Variants in FBXL18 observed in about 807,000 individuals in gnomAD.
The protein encoded by FBXL18 is F-box/LRR-repeat protein 18.
Under a neutral mutation model 46.0 loss-of-function variants are expected in FBXL18, and 36 were observed. The observed-to-expected ratio is 0.78, with a 90% CI of 0.60 to 1.03. The LOEUF is 1.03. FBXL18 is among the 50% of genes least tolerant of loss of function. The pLI, the probability that FBXL18 is intolerant of heterozygous loss-of-function variation, is 0.00. For missense variants in FBXL18, 977 were observed against 1,004.1 expected (o/e 0.97, Z 0.36); for synonymous variants, 557 against 465.3 (o/e 1.20, Z -2.54).
At chr7:5,467,623 G>A (rs1465009474) in intron 4 of FBXL18, among the ~76,000 whole-genome samples, 3 of 151,860 alleles carry the variant, frequency 2.0e-5, no homozygotes, top group Admixed American at 1.3e-4. Context: ...TGTCCTTCCC[G>A]TTTCGAGGGC....
downstream of FBXL18, among the ~76,000 whole-genome samples, chr7:5,470,987 C>T (rs1159840884): frequency 5.3e-5 from 8 of 152,264 alleles, 1 homozygote; most frequent in South Asian, 1.5e-3. Context: ...AGAGGCCCAG[C>T]GTGCAGCATC....
chr7:5,474,557 G>T (rs1009725903), downstream of FBXL18, among the ~76,000 whole-genome samples: 1 of 151,982 alleles, frequency 6.6e-6, no homozygotes, highest in Non-Finnish European at 1.5e-5. Flanking sequence ...CACAAGTGTT[G>T]TTTCTGCCTC....
intron 3 of FBXL18, 138 bp downstream of exon 3, chr7:5,500,350 C>G (rs1160307999): frequency 2.7e-6 from 2 of 743,790 alleles, no homozygotes; most frequent in East Asian, 2.7e-5. Context: ...GCCCCGAGAC[C>G]GACGTGGCAC....
At chr7:5,473,530 G>A (rs1230862794), downstream of FBXL18, among the ~76,000 whole-genome samples, 3 of 152,278 alleles carry the variant, frequency 2.0e-5, no homozygotes, top group East Asian at 5.8e-4. Flanking sequence ...GGGAGGCCAA[G>A]GTGGGTGGAT....
chr7:5,466,443 C>A (rs973070468), intron 4 of FBXL18, among the ~76,000 whole-genome samples: 5 of 152,128 alleles, frequency 3.3e-5, no homozygotes, highest in African/African-American at 1.2e-4. Flanking sequence ...GAGGACCTCA[C>A]ACACAGTGCG....
intron 4 of FBXL18, among the ~76,000 whole-genome samples, chr7:5,464,760 T>A (rs202148955): frequency 7.5e-6 from 1 of 133,760 alleles, no homozygotes; most frequent in Non-Finnish European, 1.6e-5. Flanking sequence ...GTTTGGATAT[T>A]AAAAAAAAAA....
At chr7:5,458,952 G>A (rs1370637862) in intron 4 of FBXL18, among the ~76,000 whole-genome samples, 1 of 152,112 alleles carries the variant, frequency 6.6e-6, no homozygotes, top group East Asian at 1.9e-4. Context: ...TTTGAGACCA[G>A]CCTGGGCAAC....
At chr7:5,470,347 C>T (rs541046699) in intron 4 of FBXL18, among the ~76,000 whole-genome samples, 1 of 152,112 alleles carries the variant, frequency 6.6e-6, no homozygotes, top group Admixed American at 6.5e-5. Context: ...ACACATCCAC[C>T]CCTCCACCCT....
At chr7:5,505,373 C>G (rs372941800) in intron 2 of FBXL18, 39 bp downstream of exon 2, 4 of 1,584,068 alleles carry the variant, frequency 2.5e-6, no homozygotes, top group East Asian at 2.2e-5. Context: ...AGACTGAGAT[C>G]TAGCTTGTTT....
chr7:5,481,844 C>T lies in FBXL18; in HGVS notation c.2088G>A (p.Leu696=), dbSNP rs1783654694. 6.2e-7 allele frequency: 1 copy of T among 1,613,860 alleles called. No individual in the cohort carries two copies. The highest frequency in any genetic ancestry group is 8.5e-7 in the Non-Finnish European group (1 of 1,179,994). The change falls in exon 5 of 5, where the codon CTG becomes CTA. Residue 696 remains leucine (L), a synonymous_variant. Coordinates refer to ENST00000382368, the MANE Select transcript of FBXL18 (RefSeq NM_024963.6). ...GLTDVIRDVP[L]VHLDEITLFK... is the part of the protein sequence containing the mutation. The stretch of plus-strand genomic sequence containing the variant: ...ATAAGGTGATCTCATCCAGGTGCAC[C>T]AGGGGGACGTCCCGGATGACGTCGG...
intron 4 of FBXL18, among the ~76,000 whole-genome samples, chr7:5,469,943 C>T (rs1031050944): frequency 6.6e-6 from 1 of 151,832 alleles, no homozygotes; most frequent in African/African-American, 2.4e-5. Context: ...TGCGAGTAAA[C>T]GTCCGTGTGT....
At chr7:5,486,044 G>T (rs1184778117) in intron 4 of FBXL18, among the ~76,000 whole-genome samples, 1 of 144,400 alleles carries the variant, frequency 6.9e-6, no homozygotes, top group Non-Finnish European at 1.5e-5. Context: ...GGCCAACAGA[G>T]CAAGACTCTG....
chr7:5,500,813 C>G lies in FBXL18; in HGVS notation c.1456G>C (p.Glu486Gln). ...TTGGACCCAATCAGCTCGAGGTGTT[C>G]CAGGAAGGGCAGGTTCTTCAGCAGA... ...WSLLKNLPFL[E>Q]HLELIGSNFS... The change falls in exon 3 of 5, where the codon GAA (glutamate) becomes CAA (glutamine). Residue 486 changes from glutamate to glutamine, a missense_variant. Physicochemically the swap from Glu to Gln is conservative, Grantham distance 29 (BLOSUM62 2). Transcript: ENST00000382368. The G allele has an allele frequency of 6.2e-7, 1 of 1,612,466 alleles. No homozygotes were observed. Among genetic ancestry groups the G allele is most frequent in the Middle Eastern group, 1.6e-4 (1 of 6,062 alleles).
intron 1 of FBXL18, among the ~76,000 whole-genome samples, chr7:5,512,090 A>C (rs985802525): frequency 2.7e-5 from 4 of 149,114 alleles, no homozygotes; most frequent in Non-Finnish European, 6.0e-5. Flanking sequence ...AAAAAAAACC[A>C]AAAAATTAGC....
At chr7:5,456,366 T>C (rs1049026238) in intron 4 of FBXL18, among the ~76,000 whole-genome samples, 2 of 152,096 alleles carry the variant, frequency 1.3e-5, no homozygotes, top group African/African-American at 4.8e-5. Context: ...CTCGAATCAG[T>C]GGGAGGACAA....
intron 2 of FBXL18, among the ~76,000 whole-genome samples, chr7:5,504,743 G>A (rs1483763729): frequency 2.7e-5 from 4 of 148,836 alleles, no homozygotes; most frequent in East Asian, 4.0e-4. Context: ...GTGAAACCCC[G>A]TCTCTACTAA....
rs1038387212 is a variant in FBXL18 at position 5,500,923 on chromosome 7, C to T, written c.1346G>A (p.Gly449Asp). The change falls in exon 3 of 5, where the codon GGC (glycine) becomes GAC (aspartate). Residue 449 changes from glycine to aspartate, a missense_variant. By Grantham distance (94) the Gly-to-Asp change is moderately conservative. Coordinates refer to ENST00000382368, the MANE Select transcript of FBXL18 (RefSeq NM_024963.6). ...PAMHAVPRGF[G>D]KKVRVGVQSC... is the part of the protein sequence containing the mutation. ...CTGCACGCCCACACGCACTTTCTTG[C>T]CAAAGCCGCGCGGCACTGCGTGCAT... The T allele has an allele frequency of 1.3e-6, 2 of 1,564,916 alleles. No homozygotes were observed. The highest frequency in any genetic ancestry group is 1.4e-5 in the African/African-American group (1 of 73,664).
At chr7:5,509,107 C>T (rs1270695343) in intron 1 of FBXL18, among the ~76,000 whole-genome samples, 5 of 151,090 alleles carry the variant, frequency 3.3e-5, no homozygotes, top group Non-Finnish European at 7.4e-5. Flanking sequence ...GCAGAAGAAT[C>T]GCTTGAACCC....
chr7:5,489,128 T>C (rs1783848396), intron 4 of FBXL18: 3 of 379,976 alleles, frequency 7.9e-6, no homozygotes, highest in South Asian at 4.1e-5. Context: ...AAAACCGCCA[T>C]GAACCAGGGC....
Sources: allele counts gnomAD v4.1 joint callset (sites outside exome capture counted in the v4.1 genomes callset), GRCh38; gene constraint gnomAD v4.1.1; transcripts MANE v1.5; gene names NCBI Gene and HGNC (gene_info 2026-07-23, HGNC 2026-07-21).